The following GDPD4 variants were observed in gnomAD, a reference collection of about 807,000 sequenced individuals.
The protein encoded by GDPD4 is glycerophosphodiester phosphodiesterase 6.
A neutral mutation model predicts 67.8 loss-of-function variants in GDPD4; 60 were observed. That is an observed-to-expected ratio of 0.88 (90% CI 0.72 to 1.10). The LOEUF (loss-of-function observed/expected upper bound fraction) is 1.10, where lower values mean the gene tolerates loss of function less well. GDPD4 is among the 50% of genes least tolerant of loss of function. The pLI, the probability that GDPD4 is intolerant of heterozygous loss-of-function variation, is 0.00. For synonymous variants in GDPD4, 212 were observed against 210.9 expected, an observed-to-expected ratio of 1.00 and a Z score of -0.04; for missense variants, 623 against 613.9, an observed-to-expected ratio of 1.01 and a Z score of -0.16.
intron 1 of GDPD4, among the ~76,000 whole-genome samples, chr11:77,290,365 T>C (rs947394774): frequency 1.3e-5 from 2 of 152,154 alleles, no homozygotes; most frequent in African/African-American, 2.4e-5. Context: ...ACATGTTAGG[T>C]CACAAAACAA....
intron 5 of GDPD4, among the ~76,000 whole-genome samples, chr11:77,273,811 C>T (rs146588572): frequency 5.9e-5 from 9 of 152,288 alleles, no homozygotes; most frequent in Non-Finnish European, 1.0e-4. Context: ...GGTGCTGGAA[C>T]GGTATCACCT....
chr11:77,229,206 C>A lies in GDPD4; in HGVS notation c.1416G>T (p.Trp472Cys). The change falls in exon 15 of 17, where the codon TGG becomes TGT. Residue 472 changes from tryptophan (W) to cysteine (C), a missense_variant. By Grantham distance (215) the Trp-to-Cys change is radical. Coordinates refer to ENST00000315938, the MANE Select transcript of GDPD4 (RefSeq NM_182833.3). ...GCACAGAAATGATATCTGCAAGGAG[C>A]CACATGAACACATAGAACTTTGGTG... is the stretch of plus-strand genomic sequence containing the variant. ...FMTPKFYVFMWLLADIISVLF... is the reference protein window; with the variant it reads ...FMTPKFYVFMCLLADIISVLF... The A allele has an allele frequency of 1.2e-6, 2 of 1,608,612 alleles. No individual in the cohort carries two copies. The highest frequency in any genetic ancestry group is 1.7e-6 in the Non-Finnish European group (2 of 1,176,642).
At chr11:77,239,573 AT>A (rs1958625877) in intron 13 of GDPD4, among the ~76,000 whole-genome samples, 1 of 152,222 alleles carries the variant, frequency 6.6e-6, no homozygotes, top group Non-Finnish European at 1.5e-5. Context: ...AAGTAAGAAA[AT>A]AATCCCATTT....
intron 10 of GDPD4, among the ~76,000 whole-genome samples, chr11:77,263,819 A>G (rs1234678547): frequency 6.6e-6 from 1 of 152,202 alleles, no homozygotes; most frequent in Non-Finnish European, 1.5e-5. Flanking sequence ...GAAACTAGTT[A>G]TCACACACAT....
chr11:77,259,775 A>C (rs533132287), intron 10 of GDPD4, among the ~76,000 whole-genome samples: 2 of 152,312 alleles, frequency 1.3e-5, no homozygotes, highest in African/African-American at 4.8e-5. Context: ...TGCAAAAACA[A>C]ACACACAGTT....
chr11:77,279,469 C>A, intron 3 of GDPD4, 70 bp from the exon 4 acceptor site: 9 of 881,002 alleles, frequency 1.0e-5, no homozygotes, highest in Admixed American at 1.9e-5. Context: ...AGGATGGGGA[C>A]AAAACCAGAC....
At chr11:77,250,992 GT>G (rs1421414920) in intron 11 of GDPD4, among the ~76,000 whole-genome samples, 1 of 151,964 alleles carries the variant, frequency 6.6e-6, no homozygotes, top group Non-Finnish European at 1.5e-5. Flanking sequence ...TTTGGTTTCT[GT>G]TTGCATGGAA....
chr11:77,291,300 T>C (rs1041009715), intron 1 of GDPD4, among the ~76,000 whole-genome samples: 1 of 152,182 alleles, frequency 6.6e-6, no homozygotes, highest in Non-Finnish European at 1.5e-5. Context: ...TTCTCACTCA[T>C]GTGGGAGCTT....
intron 10 of GDPD4, among the ~76,000 whole-genome samples, chr11:77,262,854 C>CAAA (rs67911054): frequency 0.023 from 1,541 of 66,860 alleles, 155 homozygotes; most frequent in African/African-American, 0.093. Context: ...TTCTCTGCTG[C>CAAA]AAAAAAAAAA....
At chr11:77,236,993 T>C (rs1044997256) in intron 13 of GDPD4, among the ~76,000 whole-genome samples, 8 of 152,210 alleles carry the variant, frequency 5.3e-5, no homozygotes, top group Non-Finnish European at 2.9e-5. Context: ...TGTAATGTTC[T>C]TAAAAGGATG....
At chr11:77,264,840 G>T (rs1959171008) in intron 10 of GDPD4, among the ~76,000 whole-genome samples, 1 of 152,068 alleles carries the variant, frequency 6.6e-6, no homozygotes, top group African/African-American at 2.4e-5. Flanking sequence ...TTGGCATATT[G>T]ATTATTTTGA....
Position 77,223,304 on chromosome 11 carries a change from T to C in GDPD4, c.1525+4560A>G, listed in dbSNP as rs557411935. Among the ~76,000 whole-genome samples the C allele has an allele frequency of 3.9e-5, 6 of 152,284 alleles. No individual in the cohort carries two copies. In the East Asian group the frequency reaches 1.2e-3, roughly 29 times the overall value. On this transcript the variant is annotated intron_variant, in intron 16 of 16. Coordinates refer to ENST00000315938, the MANE Select transcript of GDPD4 (RefSeq NM_182833.3). ...CTTTGGAGGAGAAGAGGCAGTCTGG[T>C]TTCTCCCCATCTTTGTGGTTTTATC... is the stretch of plus-strand genomic sequence containing the variant.
intron 13 of GDPD4, among the ~76,000 whole-genome samples, chr11:77,237,968 AAAG>A (rs1313564241): frequency 6.6e-6 from 1 of 152,202 alleles, no homozygotes; most frequent in Non-Finnish European, 1.5e-5. Context: ...TTTACATTAG[AAAG>A]AAGATCTAAA....
At chr11:77,221,619 T>G (rs1020256907) in intron 16 of GDPD4, among the ~76,000 whole-genome samples, 1 of 152,222 alleles carries the variant, frequency 6.6e-6, no homozygotes, top group African/African-American at 2.4e-5. Flanking sequence ...ATTTCTGTTC[T>G]TTTACATTTG....
intron 10 of GDPD4, among the ~76,000 whole-genome samples, chr11:77,261,131 A>G (rs752415353): frequency 6.6e-5 from 10 of 152,156 alleles, no homozygotes; most frequent in African/African-American, 9.7e-5. Context: ...AATTACTACT[A>G]TATTTTTCCT....
intron 4 of GDPD4, among the ~76,000 whole-genome samples, chr11:77,278,004 A>G (rs1959572387): frequency 6.6e-6 from 1 of 151,970 alleles, no homozygotes; most frequent in African/African-American, 2.4e-5. Context: ...CCCAGTAGTC[A>G]TTCAGGAGCA....
At chr11:77,218,893 T>G (rs1958175720) in intron 16 of GDPD4, among the ~76,000 whole-genome samples, 1 of 152,216 alleles carries the variant, frequency 6.6e-6, no homozygotes, top group Non-Finnish European at 1.5e-5. Flanking sequence ...TATAATCCTT[T>G]GGGTATATAC....
At chr11:77,282,718 A>C (rs550401244) in intron 3 of GDPD4, among the ~76,000 whole-genome samples, 5 of 152,114 alleles carry the variant, frequency 3.3e-5, no homozygotes, top group Non-Finnish European at 4.4e-5. Context: ...CAAAAAAAAA[A>C]ACACAGAACT....
intron 13 of GDPD4, among the ~76,000 whole-genome samples, chr11:77,238,420 C>G (rs1225211633): frequency 6.6e-6 from 1 of 151,920 alleles, no homozygotes; most frequent in African/African-American, 2.4e-5. Flanking sequence ...CCCGTCTCTA[C>G]TAACAATACA....
Sources: allele counts gnomAD v4.1 joint callset (sites outside exome capture counted in the v4.1 genomes callset), GRCh38; gene constraint gnomAD v4.1.1; transcripts MANE v1.5; gene names NCBI Gene and HGNC (gene_info 2026-07-23, HGNC 2026-07-21).